ADCY10: variants seen among roughly 807,000 people sequenced by gnomAD.
The protein encoded by ADCY10 is adenylate cyclase type 10.
In ADCY10, 156 loss-of-function variants were observed where a neutral mutation model predicts 183.3. The ratio of observed to expected loss-of-function variants is 0.85; its 90% CI spans 0.75 to 0.97. ADCY10 has a LOEUF of 0.97. ADCY10 is among the 50% of genes least tolerant of loss of function. The pLI, the probability that ADCY10 is intolerant of heterozygous loss-of-function variation, is 0.00. For synonymous variants in ADCY10, 645 were observed against 670.0 expected, an observed-to-expected ratio of 0.96 and a Z score of 0.58; for missense variants, 1,745 against 1,934.3, an observed-to-expected ratio of 0.90 and a Z score of 1.84.
intron 1 of ADCY10, among the ~76,000 whole-genome samples, chr1:167,912,544 T>G (rs1295938326): frequency 6.6e-6 from 1 of 152,240 alleles, no homozygotes; most frequent in African/African-American, 2.4e-5. Context: ...CTGAACCCTA[T>G]GCAAATCAGA....
chr1:167,871,311 A>G (rs1667090333), intron 13 of ADCY10, among the ~76,000 whole-genome samples: 1 of 152,248 alleles, frequency 6.6e-6, no homozygotes, highest in Admixed American at 6.5e-5. Context: ...GAAATCATGT[A>G]CAGATTATTT....
At chr1:167,825,815 T>C (rs1194503497) in intron 26 of ADCY10, among the ~76,000 whole-genome samples, 1 of 152,094 alleles carries the variant, frequency 6.6e-6, no homozygotes, top group Non-Finnish European at 1.5e-5. Context: ...TAAATCTAAT[T>C]TGCAGATTTA....
chr1:167,830,389 A>G (rs971806196), intron 25 of ADCY10, among the ~76,000 whole-genome samples: 1 of 152,006 alleles, frequency 6.6e-6, no homozygotes. Context: ...TTACAAAAAA[A>G]AAAAAAAAGA....
chr1:167,811,536 G>A (rs367698239), intron 31 of ADCY10, among the ~76,000 whole-genome samples: 62 of 152,276 alleles, frequency 4.1e-4, no homozygotes, highest in Non-Finnish European at 7.6e-4. Flanking sequence ...GCAGTGAGCC[G>A]AGATCGTGCC....
Position 167,809,637 on chromosome 1 carries a change from C to A in ADCY10, c.*41G>T, listed in dbSNP as rs1662074066. 1 of 1,608,398 alleles carries A rather than the reference C, an allele frequency of 6.2e-7. No homozygotes were observed. Among genetic ancestry groups the A allele is most frequent in the Non-Finnish European group, 8.5e-7 (1 of 1,174,826 alleles). On this transcript the variant is annotated 3_prime_UTR_variant, in exon 33 of 33. Coordinates refer to ENST00000367851, the MANE Select transcript of ADCY10 (RefSeq NM_018417.6). ...GAGAAAGGTCAATAATAGATAATCA[C>A]AAGGACATAGTGCTTATTAAAATCT...
At chr1:167,907,185 C>T (rs1669877494) in intron 1 of ADCY10, among the ~76,000 whole-genome samples, 1 of 152,156 alleles carries the variant, frequency 6.6e-6, no homozygotes, top group South Asian at 2.1e-4. Flanking sequence ...AAGAGATGGG[C>T]TGGAATACCA....
intron 18 of ADCY10, among the ~76,000 whole-genome samples, chr1:167,848,818 T>C (rs1665261211): frequency 6.6e-6 from 1 of 152,040 alleles, no homozygotes; most frequent in Non-Finnish European, 1.5e-5. Context: ...CTGGCTAATT[T>C]CTGTAGAGAT....
chr1:167,830,313 C>A (rs1407535774), intron 25 of ADCY10, among the ~76,000 whole-genome samples: 1 of 149,880 alleles, frequency 6.7e-6, no homozygotes, highest in African/African-American at 2.5e-5. Context: ...TTCTTCTGGG[C>A]ATGTCCTTAA....
Position 167,810,932 on chromosome 1 carries a change from C to A in ADCY10, c.4483-19G>T, listed in dbSNP as rs763193795. 15 of 1,612,928 alleles carry A rather than the reference C, an allele frequency of 9.3e-6. No homozygotes were observed. Among genetic ancestry groups the A allele is most frequent in the Non-Finnish European group, 1.1e-5 (13 of 1,179,016 alleles). On this transcript the variant is annotated intron_variant, in intron 31 of 32. Transcript: ENST00000367851. ...CCAAGTTCTAAAGAAAAAAAACCCACAACAGTATATTAGAATTAAACAGGG... is the reference window on the plus strand; with the variant it reads ...CCAAGTTCTAAAGAAAAAAAACCCAAAACAGTATATTAGAATTAAACAGGG...
Position 167,903,939 on chromosome 1 carries a change from C to A in ADCY10, c.201G>T (p.Gly67=), listed in dbSNP as rs757483504. 2.5e-6 allele frequency: 4 copies of A among 1,613,968 alleles called. No individual in the cohort carries two copies. Among genetic ancestry groups the A allele is most frequent in the Non-Finnish European group, 8.5e-7 (1 of 1,179,974 alleles). ...TGAGGATCTCCACCAACTGCTCAGC[C>A]CCTCTGTCCATGTACATGGCACTGC... ...KFSSAMYMDR[G]AEQLVEILNY... Residue 67 remains glycine, a synonymous_variant, in exon 3 of 33, where the codon GGG becomes GGT. Transcript: ENST00000367851.
At chr1:167,838,204 C>G (rs1046242302) in intron 21 of ADCY10, among the ~76,000 whole-genome samples, 1 of 152,236 alleles carries the variant, frequency 6.6e-6, no homozygotes, top group East Asian at 1.9e-4. Flanking sequence ...AGTACCCCAA[C>G]TCCTGTGTGC....
rs1043496853 is a variant in ADCY10, at chr1:167,824,773, G to A, written c.3833C>T (p.Ala1278Val). ...KGVWFKYEVM[A>V]MEHIFNLPLK... ...GGGGAGGTTGAAGATGTGCTCCATG[G>A]CCATGACTTCATATTTGAACCACAC... Residue 1278 changes from alanine (A) to valine (V), a missense_variant, in exon 27 of 33, where the codon GCC (alanine) becomes GTC (valine). By Grantham distance (64) the Ala-to-Val change is moderately conservative (BLOSUM62 0). Coordinates refer to ENST00000367851, the MANE Select transcript of ADCY10 (RefSeq NM_018417.6). 6.2e-7 allele frequency: 1 copy of A among 1,614,222 alleles called. No individual in the cohort carries two copies.
chr1:167,809,957 A>G, intron 32 of ADCY10, 118 bp from the exon 33 acceptor site: 1 of 1,024,440 alleles, frequency 9.8e-7, no homozygotes, highest in Non-Finnish European at 1.5e-6. Flanking sequence ...GAACCCATAG[A>G]CAAAAACGAA....
chr1:167,837,439 C>T (rs1664302555), intron 21 of ADCY10, 121 bp from the exon 22 acceptor site: 1 of 807,938 alleles, frequency 1.2e-6, no homozygotes, highest in Non-Finnish European at 2.1e-6. Context: ...CCAGAAACCA[C>T]ATTGCCTAGT....
At chr1:167,911,194 C>T (rs1670127668) in intron 1 of ADCY10, among the ~76,000 whole-genome samples, 1 of 152,200 alleles carries the variant, frequency 6.6e-6, no homozygotes, top group Non-Finnish European at 1.5e-5. Flanking sequence ...AGCTATCTAC[C>T]TGTGAGGGTA....
chr1:167,837,962 G>A (rs1164038956), intron 21 of ADCY10, among the ~76,000 whole-genome samples: 4 of 152,204 alleles, frequency 2.6e-5, no homozygotes, highest in African/African-American at 9.6e-5. Flanking sequence ...GAAAACAAAT[G>A]AGGCTTGTCT....
chr1:167,838,850 T>A (rs1210432162), intron 21 of ADCY10, among the ~76,000 whole-genome samples: 1 of 152,224 alleles, frequency 6.6e-6, no homozygotes, highest in Admixed American at 6.5e-5. Flanking sequence ...CACTTACAAC[T>A]TTTCCTAACA....
At chr1:167,860,531 T>C (rs1332643347) in intron 15 of ADCY10, among the ~76,000 whole-genome samples, 1 of 152,138 alleles carries the variant, frequency 6.6e-6, no homozygotes, top group Non-Finnish European at 1.5e-5. Flanking sequence ...ACCCCTGTGT[T>C]AGATAATTCA....
rs777346015 is a variant in ADCY10, at chr1:167,883,411, G to A, written c.1020+26C>T. ...AATGCTAACCTAAAACTATTGGTAG[G>A]TTCCCATCCCATAGTTCACACTTAC... On this transcript the variant is annotated intron_variant, in intron 9 of 32. Transcript: ENST00000367851. 5 of 1,611,754 alleles carry A rather than the reference G, an allele frequency of 3.1e-6. No individual in the cohort carries two copies. The South Asian group carries it at 5.5e-5, about 18-fold the overall frequency.
Sources: allele counts gnomAD v4.1 joint callset (sites outside exome capture counted in the v4.1 genomes callset), GRCh38; gene constraint gnomAD v4.1.1; transcripts MANE v1.5; gene names NCBI Gene and HGNC (gene_info 2026-07-23, HGNC 2026-07-21).